Variants in COL4A6 observed in about 807,000 individuals in gnomAD.
COL4A6 encodes the protein collagen type IV alpha 6 chain.
A neutral mutation model predicts 126.7 loss-of-function variants in COL4A6; 59 were observed. That is an observed-to-expected ratio of 0.47 (90% confidence interval 0.38 to 0.58). The LOEUF (loss-of-function observed/expected upper bound fraction) is 0.58. Ranked by LOEUF, COL4A6 falls within the 20% of genes least tolerant of loss-of-function variation. COL4A6 has a pLI of 0.00. For synonymous variants in COL4A6, 547 were observed against 496.6 expected (o/e 1.10, Z -1.35); for missense variants, 1,285 against 1,337.3 (o/e 0.96, Z 0.61).
rs2038932423 is a variant in COL4A6 at position 108,318,174 on chromosome X, C to T, written c.64-7346G>A. On this transcript the variant is annotated intron_variant, in intron 2 of 44. Transcript: ENST00000334504. Reference sequence around the variant, plus strand: ...AAAGGCCTTTGACAAAATTCAACAACCCTTCATGCTAAAAACTCTCAATAA... The same window carrying T: ...AAAGGCCTTTGACAAAATTCAACAATCCTTCATGCTAAAAACTCTCAATAA... Among the ~76,000 whole-genome samples the T allele has an allele frequency of 5.4e-5, 6 of 111,410 alleles. No homozygotes were observed. In the South Asian group the frequency reaches 2.3e-3, roughly 43 times the overall value.
chrX:108,229,420 C>T (rs745739964), intron 3 of COL4A6, among the ~76,000 whole-genome samples: 54 of 112,022 alleles, frequency 4.8e-4, no homozygotes, highest in Middle Eastern at 4.6e-3. Flanking sequence ...ATTATTTTCG[C>T]TCCTTAGCAT....
chrX:108,402,611 T>C (rs183580573), intron 2 of COL4A6, among the ~76,000 whole-genome samples: 111 of 111,351 alleles, frequency 1.0e-3, no homozygotes, highest in Admixed American at 5.4e-3. Context: ...ATTATAAGAA[T>C]TGAATAACAT....
At chrX:108,189,734 A>G (rs1281394676) in intron 20 of COL4A6, among the ~76,000 whole-genome samples, 2 of 112,370 alleles carry the variant, frequency 1.8e-5, no homozygotes, top group African/African-American at 6.5e-5. Flanking sequence ...TGATGGAGCA[A>G]TGAGAAAGGA....
intron 44 of COL4A6, among the ~76,000 whole-genome samples, chrX:108,157,487 C>A (rs148964864): frequency 9.0e-6 from 1 of 111,698 alleles, no homozygotes; most frequent in Non-Finnish European, 1.9e-5. Context: ...CCCTTCCAAG[C>A]TCCCTAGTGC....
intron 2 of COL4A6, among the ~76,000 whole-genome samples, chrX:108,425,112 T>C (rs903911497): frequency 9.1e-6 from 1 of 110,097 alleles, no homozygotes; most frequent in Non-Finnish European, 1.9e-5. Context: ...TACCAAACAT[T>C]AACACACTGG....
chrX:108,187,648 A>C (rs1488419867), intron 22 of COL4A6, among the ~76,000 whole-genome samples, 200 bp downstream of exon 22: 1 of 112,236 alleles, frequency 8.9e-6, no homozygotes, highest in Non-Finnish European at 1.9e-5. Context: ...TTATCAAATG[A>C]GACAATGATC....
At chrX:108,224,687 C>T (rs747800522) in intron 3 of COL4A6, among the ~76,000 whole-genome samples, 2 of 111,905 alleles carry the variant, frequency 1.8e-5, no homozygotes, top group African/African-American at 3.2e-5. Flanking sequence ...ATTTCTTCTG[C>T]GGGTTGTTTT....
chrX:108,280,140 A>G (rs1418932459), intron 3 of COL4A6, among the ~76,000 whole-genome samples: 1 of 111,495 alleles, frequency 9.0e-6, no homozygotes, highest in Non-Finnish European at 1.9e-5. Flanking sequence ...AAATAACTAA[A>G]ATCAGAGCAG....
intron 2 of COL4A6, among the ~76,000 whole-genome samples, chrX:108,320,434 G>C (rs1391312751): frequency 4.5e-5 from 5 of 111,352 alleles, no homozygotes; most frequent in African/African-American, 1.6e-4. Context: ...AGAGGGGCAA[G>C]GGAGTCAAGG....
At chrX:108,398,752 A>C (rs1045175873) in intron 2 of COL4A6, among the ~76,000 whole-genome samples, 5 of 111,372 alleles carry the variant, frequency 4.5e-5, no homozygotes, top group African/African-American at 1.6e-4. Flanking sequence ...TAGATTAAGA[A>C]CCCAGAAAAA....
At chrX:108,357,447 T>A (rs1047851694) in intron 2 of COL4A6, among the ~76,000 whole-genome samples, 1 of 111,460 alleles carries the variant, frequency 9.0e-6, no homozygotes, top group African/African-American at 3.3e-5. Flanking sequence ...TTGATAAAAT[T>A]CTGCTTACAC....
rs777553097 is a variant in COL4A6 at position 108,171,293 on chromosome X, G to A, written c.3277+94C>T. On this transcript the variant is annotated intron_variant, in intron 33 of 44. Transcript: ENST00000334504. ...AGGAAATTTTCTGCACTGGATAGAA[G>A]TTGCAGAACTTGGGGTTGACCTCCA... 1.6e-4 allele frequency: 117 copies of A among 715,798 alleles called. No individual in the cohort carries two copies. The East Asian group carries it at 2.5e-3, about 15-fold the overall frequency. The allele number at this position is 715,798 out of a possible 1,213,427, so 59.0% of individuals were successfully genotyped here.
intron 2 of COL4A6, among the ~76,000 whole-genome samples, chrX:108,417,278 C>T (rs1017864048): frequency 2.7e-5 from 3 of 111,623 alleles, no homozygotes; most frequent in Admixed American, 9.5e-5. Flanking sequence ...GAAGAAGAAA[C>T]CTACCACCCT....
chrX:108,420,258 A>C (rs776572358), intron 2 of COL4A6, among the ~76,000 whole-genome samples: 40 of 111,874 alleles, frequency 3.6e-4, no homozygotes, highest in Non-Finnish European at 7.0e-4. Flanking sequence ...TTGGTGATGC[A>C]GTGTGAGACC....
intron 3 of COL4A6, among the ~76,000 whole-genome samples, chrX:108,270,829 T>C (rs755159039): frequency 9.0e-6 from 1 of 111,630 alleles, no homozygotes; most frequent in Non-Finnish European, 1.9e-5. Context: ...ATTTGGTTCC[T>C]GTAGGTTTTA....
At chrX:108,281,748 C>G (rs1175690434) in intron 3 of COL4A6, among the ~76,000 whole-genome samples, 11 of 110,387 alleles carry the variant, frequency 1.0e-4, no homozygotes, top group African/African-American at 3.3e-4. Context: ...TCAAACTATA[C>G]TACAAGGCTA....
Position 108,162,796 on chromosome X carries a change from T to C in COL4A6, c.4216+96A>G, listed in dbSNP as rs2294465. The stretch of plus-strand genomic sequence containing the variant: ...GTGAAGGAAGAGAGGCAACGCTTGA[T>C]GAAGACACACCCTTGGAGGTGGACA... On this transcript the variant is annotated intron_variant, in intron 41 of 44. Coordinates refer to ENST00000334504, the MANE Select transcript of COL4A6 (RefSeq NM_033641.4). 5.7e-4 allele frequency: 537 copies of C among 939,157 alleles called. 6 individuals carry two copies. The East Asian group carries it at 0.017, about 30-fold the overall frequency. 77.4% of individuals were successfully genotyped at this position (939,157 alleles called of 1,213,427 possible). A position where few individuals can be genotyped will look rare whatever the true frequency, so the allele number is the denominator to read the frequency against.
intron 35 of COL4A6, 77 bp from the exon 36 acceptor site, chrX:108,170,093 C>T: frequency 1.2e-6 from 1 of 860,073 alleles, no homozygotes; most frequent in Non-Finnish European, 1.7e-6. Context: ...CTACCTGCCC[C>T]CAAAGGCATT....
rs759818973 is a variant in COL4A6 at position 108,161,628 on chromosome X, C to T, written c.4324G>A (p.Gly1442Arg). 1 of 1,065,075 alleles carries T rather than the reference C, an allele frequency of 9.4e-7. No homozygotes were observed. The highest frequency in any genetic ancestry group is 1.2e-6 in the Non-Finnish European group (1 of 800,689). 87.8% of individuals were successfully genotyped at this position (1,065,075 alleles called of 1,213,427 possible). A position where few individuals can be genotyped will look rare whatever the true frequency, so the allele number is the denominator to read the frequency against. Residue 1442 changes from glycine to arginine, a missense_variant, in exon 42 of 45, where the codon GGA (glycine) becomes AGA (arginine). Transcript: ENST00000334504. ...TGTGGCATCATCAGACCTTCAAATC[C>T]TGGAGGGCCTTGCAGTCCAGGCAGA... ...PGLPGLQGPP[G>R]FEGAPGQQGP...
Sources: allele counts gnomAD v4.1 joint callset (sites outside exome capture counted in the v4.1 genomes callset), GRCh38; gene constraint gnomAD v4.1.1; transcripts MANE v1.5; gene names NCBI Gene and HGNC (gene_info 2026-07-23, HGNC 2026-07-21).